The following CEP112 variants were observed in gnomAD, a reference collection of about 807,000 sequenced individuals.
CEP112 encodes centrosomal protein 112, also known as centrosomal protein of 112 kDa.
In CEP112, 127 loss-of-function variants were observed where a neutral mutation model predicts 153.0. The ratio of observed to expected loss-of-function variants is 0.83; its 90% CI spans 0.72 to 0.96. CEP112 has a LOEUF of 0.96. Ranked by LOEUF, CEP112 falls within the 40% of genes least tolerant of loss-of-function variation. The pLI is 0.00. For missense variants in CEP112, 1,089 were observed against 1,101.2 expected (o/e 0.99, Z 0.16); for synonymous variants, 358 against 374.4 (o/e 0.96, Z 0.51).
At chr17:66,114,131 G>C (rs1359479497) in intron 6 of CEP112, among the ~76,000 whole-genome samples, 1 of 152,166 alleles carries the variant, frequency 6.6e-6, no homozygotes, top group Non-Finnish European at 1.5e-5. Flanking sequence ...AGTTTCAATG[G>C]CACGAATAAA....
At chr17:66,079,545 T>C (rs1254106345) in intron 8 of CEP112, among the ~76,000 whole-genome samples, 4 of 152,166 alleles carry the variant, frequency 2.6e-5, no homozygotes, top group Admixed American at 2.0e-4. Flanking sequence ...TGCTCATGGA[T>C]AGGAAGAATG....
At chr17:65,793,433 C>G (rs2054716719) in intron 21 of CEP112, among the ~76,000 whole-genome samples, 1 of 152,096 alleles carries the variant, frequency 6.6e-6, no homozygotes, top group African/African-American at 2.4e-5. Context: ...AGCAAACTAC[C>G]ATGGCACATG....
At chr17:65,959,397 C>G (rs953189368) in intron 18 of CEP112, among the ~76,000 whole-genome samples, 12 of 152,236 alleles carry the variant, frequency 7.9e-5, no homozygotes, top group Admixed American at 2.6e-4. Context: ...TGCTTACCCT[C>G]CACTTGTCTG....
intron 24 of CEP112, among the ~76,000 whole-genome samples, chr17:65,651,240 C>T (rs1025897323): frequency 2.6e-5 from 4 of 152,136 alleles, no homozygotes; most frequent in African/African-American, 9.7e-5. Context: ...TCTCCAACTC[C>T]ATTCAGGGTG....
intron 4 of CEP112, among the ~76,000 whole-genome samples, chr17:66,142,683 C>T (rs143332890): frequency 1.8e-3 from 280 of 152,180 alleles, no homozygotes; most frequent in African/African-American, 6.3e-3. Flanking sequence ...TATTTCTGGG[C>T]TCTTTATTTT....
intron 22 of CEP112, among the ~76,000 whole-genome samples, chr17:65,746,516 A>C (rs1188198671): frequency 2.0e-5 from 3 of 152,178 alleles, no homozygotes; most frequent in African/African-American, 7.2e-5. Flanking sequence ...AACAAGATTT[A>C]ATACTTTAAG....
At chr17:66,153,961 G>C (rs995337772) in intron 4 of CEP112, among the ~76,000 whole-genome samples, 1 of 148,414 alleles carries the variant, frequency 6.7e-6, no homozygotes, top group East Asian at 2.0e-4. Flanking sequence ...TCAGGAGTTC[G>C]AGACCAGCCT....
At chr17:66,120,553 T>C (rs530019406) in intron 6 of CEP112, among the ~76,000 whole-genome samples, 1 of 152,312 alleles carries the variant, frequency 6.6e-6, no homozygotes, top group South Asian at 2.1e-4. Flanking sequence ...TATAGGACTA[T>C]GCAGGTTATC....
At chr17:65,878,784 C>T (rs2058943549) in intron 20 of CEP112, among the ~76,000 whole-genome samples, 1 of 151,772 alleles carries the variant, frequency 6.6e-6, no homozygotes, top group South Asian at 2.1e-4. Context: ...GGACCCACCC[C>T]AACCTACAGA....
intron 23 of CEP112, among the ~76,000 whole-genome samples, chr17:65,718,880 G>A (rs188238638): frequency 7.2e-4 from 109 of 152,288 alleles, no homozygotes; most frequent in African/African-American, 2.6e-3. Flanking sequence ...ATGTTTCCAC[G>A]TGAAACCTTC....
chr17:66,042,392 TGATAC>T (rs1465270230), intron 12 of CEP112, among the ~76,000 whole-genome samples: 3 of 152,054 alleles, frequency 2.0e-5, no homozygotes, highest in Non-Finnish European at 4.4e-5. Flanking sequence ...ATTCATGATA[TGATAC>T]GATGAGAATA....
At chr17:65,820,671 T>C (rs2056485178) in intron 21 of CEP112, among the ~76,000 whole-genome samples, 1 of 152,104 alleles carries the variant, frequency 6.6e-6, no homozygotes, top group Non-Finnish European at 1.5e-5. Context: ...AGGAAGTCTC[T>C]AAAATGTAAA....
chr17:65,715,364 A>G (rs2049446185), intron 23 of CEP112, among the ~76,000 whole-genome samples: 1 of 152,158 alleles, frequency 6.6e-6, no homozygotes, highest in Admixed American at 6.5e-5. Flanking sequence ...GAATAGAGAG[A>G]AAAACAACAT....
chr17:66,118,697 A>T (rs771727972), intron 6 of CEP112, among the ~76,000 whole-genome samples: 35 of 152,156 alleles, frequency 2.3e-4, no homozygotes, highest in Non-Finnish European at 4.6e-4. Context: ...TGTATATTTT[A>T]AAATAACTGA....
chr17:66,186,889 T>A (rs1956095481), intron 1 of CEP112, among the ~76,000 whole-genome samples: 1 of 152,180 alleles, frequency 6.6e-6, no homozygotes, highest in Admixed American at 6.5e-5. Flanking sequence ...AAAATAATAG[T>A]CAGGTGGTAC....
At chr17:65,907,162 A>G (rs1287101812) in intron 19 of CEP112, among the ~76,000 whole-genome samples, 1 of 152,182 alleles carries the variant, frequency 6.6e-6, no homozygotes, top group Non-Finnish European at 1.5e-5. Context: ...ACTAGCTGTG[A>G]GATCGTTAGT....
chr17:65,911,145 G>A (rs2060267997), intron 19 of CEP112, among the ~76,000 whole-genome samples: 1 of 152,176 alleles, frequency 6.6e-6, no homozygotes, highest in Admixed American at 6.5e-5. Context: ...TCTTGGAAAA[G>A]CTACTTGATG....
At chr17:65,954,616 AC>A (rs1269754648) in intron 18 of CEP112, among the ~76,000 whole-genome samples, 1 of 152,114 alleles carries the variant, frequency 6.6e-6, no homozygotes, top group African/African-American at 2.4e-5. Context: ...AAAACATGAT[AC>A]AGAATACAAA....
At chr17:65,877,338 C>T (rs906349087) in intron 20 of CEP112, among the ~76,000 whole-genome samples, 2 of 152,246 alleles carry the variant, frequency 1.3e-5, no homozygotes, top group African/African-American at 2.4e-5. Context: ...CACCCTCAAA[C>T]ACAAAGAGCT....
Sources: gnomAD v4.1 joint callset for allele counts (sites outside exome capture counted in the v4.1 genomes callset) on GRCh38, gnomAD v4.1.1 for gene constraint, MANE v1.5 for transcripts, NCBI Gene and HGNC (gene_info 2026-07-23, HGNC 2026-07-21) for gene names.